EYA4: variants seen among roughly 807,000 people sequenced by gnomAD.
EYA4 encodes EYA transcriptional coactivator and phosphatase 4, also known as protein phosphatase EYA4.
Under a neutral mutation model 87.9 loss-of-function variants are expected in EYA4, and 31 were observed. The ratio of observed to expected loss-of-function variants is 0.35; its 90% confidence interval spans 0.27 to 0.48. The LOEUF is 0.48. EYA4 is among the 20% of genes least tolerant of loss of function. The probability of loss-of-function intolerance (pLI) is 0.99; values close to 1 mark genes in which losing one functional copy is unlikely to be tolerated. For missense variants in EYA4, 678 were observed against 761.4 expected (o/e 0.89, Z 1.29); for synonymous variants, 263 against 270.6 (o/e 0.97, Z 0.28).
At chr6:133,375,333 T>TAA (rs1278324286) in intron 2 of EYA4, among the ~76,000 whole-genome samples, 2 of 152,024 alleles carry the variant, frequency 1.3e-5, no homozygotes, top group Non-Finnish European at 2.9e-5. Flanking sequence ...ATTTAGGATA[T>TAA]GAGTATATAT....
rs1251312987 is a variant in EYA4 at position 133,446,670 on chromosome 6, G to A, written c.124G>A (p.Val42Ile). 6.2e-7 allele frequency: 1 copy of A among 1,613,916 alleles called. No individual in the cohort carries two copies. Among genetic ancestry groups the A allele is most frequent in the Admixed American group, 1.7e-5 (1 of 60,014 alleles). The change falls in exon 4 of 20, where the codon GTT (valine) becomes ATT (isoleucine). Residue 42 changes from valine to isoleucine, a missense_variant. Coordinates refer to ENST00000355286, the MANE Select transcript of EYA4 (RefSeq NM_004100.5). ...GGACCTAGCAAGTCCTCATACTCTT[G>A]TTGGAGGTGGTGATACTCCAGGTAG... ...MQDLASPHTLVGGGDTPGSSK... is the reference protein window; with the variant it reads ...MQDLASPHTLIGGGDTPGSSK...
At chr6:133,395,960 C>T (rs1322601562) in intron 3 of EYA4, among the ~76,000 whole-genome samples, 1 of 152,080 alleles carries the variant, frequency 6.6e-6, no homozygotes, top group Non-Finnish European at 1.5e-5. Flanking sequence ...ACGTCCTTAC[C>T]AAAGGTTTTT....
chr6:133,480,822 T>C (rs1796144522), intron 11 of EYA4, among the ~76,000 whole-genome samples: 1 of 151,600 alleles, frequency 6.6e-6, no homozygotes, highest in Non-Finnish European at 1.5e-5. Flanking sequence ...AGCACTAGTA[T>C]GCACTATTCT....
intron 3 of EYA4, among the ~76,000 whole-genome samples, chr6:133,390,746 C>A (rs917473123): frequency 6.6e-6 from 1 of 152,108 alleles, no homozygotes; most frequent in African/African-American, 2.4e-5. Context: ...TCTGTGGCCA[C>A]CCAAGGGCAT....
intron 2 of EYA4, among the ~76,000 whole-genome samples, chr6:133,357,763 T>C (rs1252892469): frequency 6.6e-6 from 1 of 152,148 alleles, no homozygotes; most frequent in Non-Finnish European, 1.5e-5. Context: ...TCTGTATTAA[T>C]GGTTAAGGGA....
rs1554247130 is a variant in EYA4 at position 133,394,292 on chromosome 6, T to TTGG, written c.83+11852_83+11853insGGT. On this transcript the variant is annotated intron_variant, in intron 3 of 19. Coordinates refer to ENST00000355286, the MANE Select transcript of EYA4 (RefSeq NM_004100.5). Reference sequence around the variant, plus strand: ...TGTATATATAAGCTTGTGTTTTTTTTTTTTTTTTTTTTTTTTTTTTTTTTT... The same window carrying TTGG: ...TGTATATATAAGCTTGTGTTTTTTTTTGGTTTTTTTTTTTTTTTTTTTTTTTTT... Among the ~76,000 whole-genome samples, 3 of 28,118 alleles carry TTGG rather than the reference T, an allele frequency of 1.1e-4. 1 individual carries two copies. The highest frequency in any genetic ancestry group is 1.6e-4 in the African/African-American group (3 of 19,084). The allele number at this position is 28,118 out of a possible 152,430, so 18.4% of individuals were successfully genotyped here.
chr6:133,410,825 G>A (rs1240777752), intron 3 of EYA4, among the ~76,000 whole-genome samples: 1 of 151,854 alleles, frequency 6.6e-6, no homozygotes, highest in East Asian at 1.9e-4. Flanking sequence ...TTCATCCTTG[G>A]CATTGTTGCA....
chr6:133,332,751 A>G (rs1782074068), intron 2 of EYA4, among the ~76,000 whole-genome samples: 1 of 133,494 alleles, frequency 7.5e-6, no homozygotes, highest in African/African-American at 2.8e-5. Context: ...TTTAGCAGAG[A>G]CGGGGTTTCA....
chr6:133,477,980 G>T (rs1389988021), intron 11 of EYA4, among the ~76,000 whole-genome samples: 1 of 151,850 alleles, frequency 6.6e-6, no homozygotes, highest in Non-Finnish European at 1.5e-5. Flanking sequence ...TATCAAATGA[G>T]CAAGAAACAT....
At position 133,246,533 on chromosome 6, in the gene EYA4, G is replaced by C. The variant is rs1245936147; in HGVS notation, c.-66+4784G>C. Among the ~76,000 whole-genome samples, 4 of 151,930 alleles carry C rather than the reference G, an allele frequency of 2.6e-5. No homozygotes were observed. The East Asian group carries it at 7.8e-4, about 29-fold the overall frequency. On this transcript the variant is annotated intron_variant, in intron 1 of 19. Coordinates refer to ENST00000355286, the MANE Select transcript of EYA4 (RefSeq NM_004100.5). ...CTATTATCACATGAATATTTTCAAA[G>C]TGAAATTGCGTTAAACCAATGTGGA... is the stretch of plus-strand genomic sequence containing the variant.
chr6:133,306,908 T>A (rs1011476995), intron 2 of EYA4, among the ~76,000 whole-genome samples: 24 of 152,186 alleles, frequency 1.6e-4, no homozygotes, highest in African/African-American at 5.8e-4. Context: ...CAAAGCAGGG[T>A]ATGATTTATG....
In EYA4 at chr6:133,468,728, C is replaced by G. The variant is rs766085875; in HGVS notation, c.967C>G (p.Pro323Ala). ...QESLPGLTNQ[P>A]GEFDTMQSPS... ...ATCTCTCCCAGGACTGACTAACCAA[C>G]CAGGTACAGATCTTCACCCAGGTGA... The change falls in exon 11 of 20, where the codon CCA becomes GCA. Residue 323 changes from proline to alanine, a missense_variant. Pro to Ala is a conservative substitution (Grantham distance 27). Coordinates refer to ENST00000355286, the MANE Select transcript of EYA4 (RefSeq NM_004100.5). 3.7e-6 allele frequency: 6 copies of G among 1,612,826 alleles called. No homozygotes were observed. In the South Asian group the frequency reaches 6.6e-5, roughly 18 times the overall value.
chr6:133,383,528 A>AAT (rs1786432826), intron 3 of EYA4, among the ~76,000 whole-genome samples: 1 of 146,334 alleles, frequency 6.8e-6, no homozygotes, highest in South Asian at 2.1e-4. Flanking sequence ...AAAAAAAAAA[A>AAT]AAAAAAAAAA....
At chr6:133,270,281 C>A (rs1254989342) in intron 1 of EYA4, among the ~76,000 whole-genome samples, 2 of 152,108 alleles carry the variant, frequency 1.3e-5, no homozygotes, top group Admixed American at 6.5e-5. Context: ...CAAATAAAGA[C>A]AATAATAAGG....
intron 2 of EYA4, among the ~76,000 whole-genome samples, chr6:133,281,777 C>A (rs919161684): frequency 6.6e-6 from 1 of 152,132 alleles, no homozygotes; most frequent in Non-Finnish European, 1.5e-5. Context: ...TTCCTCCCTG[C>A]CACTTCCGGT....
intron 14 of EYA4, among the ~76,000 whole-genome samples, chr6:133,510,095 T>C (rs891452276): frequency 6.6e-6 from 1 of 152,212 alleles, no homozygotes; most frequent in African/African-American, 2.4e-5. Flanking sequence ...AAGTGTGATA[T>C]ACTGTTGTCC....
chr6:133,378,870 G>C (rs1785928386), intron 2 of EYA4, among the ~76,000 whole-genome samples: 1 of 150,224 alleles, frequency 6.7e-6, no homozygotes, highest in Non-Finnish European at 1.5e-5. Context: ...ATAGGTTAAA[G>C]TTCACTTTAT....
chr6:133,405,694 G>A (rs895523656), intron 3 of EYA4, among the ~76,000 whole-genome samples: 2 of 152,084 alleles, frequency 1.3e-5, no homozygotes, highest in Non-Finnish European at 2.9e-5. Context: ...GTGGAGAGAG[G>A]CAAGCAATAA....
intron 13 of EYA4, among the ~76,000 whole-genome samples, chr6:133,497,381 G>T (rs1055620417): frequency 6.6e-6 from 1 of 152,100 alleles, no homozygotes; most frequent in Admixed American, 6.6e-5. Context: ...TAAATTATGT[G>T]AATTTCCCAA....
Sources: allele counts gnomAD v4.1 joint callset (sites outside exome capture counted in the v4.1 genomes callset), GRCh38; gene constraint gnomAD v4.1.1; transcripts MANE v1.5; gene names NCBI Gene and HGNC (gene_info 2026-07-23, HGNC 2026-07-21).